The following IGSF10 variants were observed in gnomAD, a reference collection of about 807,000 sequenced individuals.
The protein encoded by IGSF10 is immunoglobulin superfamily member 10.
In IGSF10, 126 loss-of-function variants were observed where a neutral mutation model predicts 128.2. The ratio of observed to expected loss-of-function variants is 0.98; its 90% CI spans 0.85 to 1.14. The LOEUF (loss-of-function observed/expected upper bound fraction) is 1.14. Among genes scored for constraint, IGSF10 ranks in the 50% most tolerant of loss-of-function variants. The pLI is 0.00. For synonymous variants in IGSF10, 1,185 were observed against 1,146.2 expected, an observed-to-expected ratio of 1.03 and a Z score of -0.68; for missense variants, 3,295 against 3,149.8, an observed-to-expected ratio of 1.05 and a Z score of -1.10.
the IGSF10 span, among the ~76,000 whole-genome samples, chr3:151,570,425 T>C: frequency 6.6e-6 from 1 of 152,260 alleles, no homozygotes; most frequent in Admixed American, 6.5e-5. Flanking sequence ...ATGATCGCCA[T>C]TCTAACCGGT....
At chr3:151,453,990 G>A (rs1577675591) in intron 4 of IGSF10, among the ~76,000 whole-genome samples, 1 of 149,942 alleles carries the variant, frequency 6.7e-6, no homozygotes, top group Non-Finnish European at 1.5e-5. Flanking sequence ...ATTAAGGAAT[G>A]AGATATATAT....
Position 151,443,914 on chromosome 3 carries a change from C to T in IGSF10, c.5063-30G>A, listed in dbSNP as rs762350272. ...GAAGAAAAAAAGAAAATTATTGCTA[C>T]GGGTCATCAAAGTTTATTTAGAAAA... On this transcript the variant is annotated intron_variant, in intron 6 of 7. Coordinates refer to ENST00000282466, the MANE Select transcript of IGSF10 (RefSeq NM_178822.5). 6 of 1,508,424 alleles carry T rather than the reference C, an allele frequency of 4.0e-6. No individual in the cohort carries two copies. In the Admixed American group the frequency reaches 6.2e-5, roughly 16 times the overall value. 93.4% of individuals were successfully genotyped at this position (1,508,424 alleles called of 1,614,324 possible).
chr3:151,448,662 C>G lies in IGSF10; in HGVS notation c.1319G>C (p.Arg440Thr). ...MQDQISLQLN[R>T]TATTFSTLQI... ...TAATGTACTGAATGTGGTGGCAGTT[C>G]TGTTCAGCTGCAAGGAAATTTGGTC... The change falls in exon 6 of 8, where the codon AGA (arginine) becomes ACA (threonine). Residue 440 changes from arginine to threonine, a missense_variant. Arg to Thr is a moderately conservative substitution (Grantham distance 71). Coordinates refer to ENST00000282466, the MANE Select transcript of IGSF10 (RefSeq NM_178822.5). The G allele has an allele frequency of 6.2e-7, 1 of 1,614,080 alleles. No homozygotes were observed. Among genetic ancestry groups the G allele is most frequent in the Non-Finnish European group, 8.5e-7 (1 of 1,179,998 alleles).
At chr3:151,500,672 A>C in the IGSF10 span, among the ~76,000 whole-genome samples, 12 of 152,150 alleles carry the variant, frequency 7.9e-5, no homozygotes, top group African/African-American at 2.9e-4. Context: ...AAAAGCAATA[A>C]GTGACTCCTA....
chr3:151,475,488 A>G, the IGSF10 span, among the ~76,000 whole-genome samples: 1 of 152,234 alleles, frequency 6.6e-6, no homozygotes, highest in African/African-American at 2.4e-5. Context: ...TGAAAACCTA[A>G]CTTAGGAGTA....
At chr3:151,532,404 T>A in the IGSF10 span, among the ~76,000 whole-genome samples, 1 of 152,160 alleles carries the variant, frequency 6.6e-6, no homozygotes, top group African/African-American at 2.4e-5. Flanking sequence ...GTATCCCTGA[T>A]GAAGATTGAT....
At chr3:151,471,000 A>T in the IGSF10 span, among the ~76,000 whole-genome samples, 1 of 152,164 alleles carries the variant, frequency 6.6e-6, no homozygotes, top group African/African-American at 2.4e-5. Flanking sequence ...CAATTGTGTA[A>T]GTGTAATGAT....
the IGSF10 span, among the ~76,000 whole-genome samples, chr3:151,604,997 C>T: frequency 6.6e-6 from 1 of 152,160 alleles, no homozygotes; most frequent in South Asian, 2.1e-4. Flanking sequence ...AGTGTGGCAA[C>T]TCATGCCTAA....
intron 4 of IGSF10, among the ~76,000 whole-genome samples, chr3:151,454,007 TTTTTTC>T (rs1355122729): frequency 3.7e-5 from 5 of 136,428 alleles, no homozygotes; most frequent in Non-Finnish European, 7.6e-5. Context: ...ATATATTTCT[TTTTTTC>T]TTTTTCTTTT....
rs2108564047 is a variant in IGSF10 at position 151,451,895 on chromosome 3, T to C, written c.715+1489A>G. 1.3e-5 allele frequency among the ~76,000 whole-genome samples: 2 copies of C among 152,358 alleles called. 1 individual carries two copies. The highest frequency in any genetic ancestry group is 6.8e-3 in the Middle Eastern group (2 of 294). On this transcript the variant is annotated intron_variant, in intron 5 of 7. Coordinates refer to ENST00000282466, the MANE Select transcript of IGSF10 (RefSeq NM_178822.5). ...GAGAAACAGCCACAAATTCATTTTATAGAAATGCTGCATCAACATCTTTGC... is the reference window on the plus strand; with the variant it reads ...GAGAAACAGCCACAAATTCATTTTACAGAAATGCTGCATCAACATCTTTGC...
At chr3:151,533,229 T>C in the IGSF10 span, among the ~76,000 whole-genome samples, 2 of 151,964 alleles carry the variant, frequency 1.3e-5, no homozygotes, top group African/African-American at 4.8e-5. Context: ...AAAATGGCCA[T>C]ACAGGCCAAA....
chr3:151,478,262 T>TAC, the IGSF10 span, among the ~76,000 whole-genome samples: 3 of 152,334 alleles, frequency 2.0e-5, no homozygotes, highest in South Asian at 6.2e-4. Context: ...AGCTGAACAT[T>TAC]ACCATGGTGT....
At chr3:151,476,430 A>G in the IGSF10 span, among the ~76,000 whole-genome samples, 24 of 152,208 alleles carry the variant, frequency 1.6e-4, 1 homozygote, top group East Asian at 4.7e-3. Context: ...CAAAAGTTTT[A>G]TAGTCTCCTA....
At chr3:151,439,642 T>TACCAAC (rs1198033327) in intron 7 of IGSF10, among the ~76,000 whole-genome samples, 1 of 152,192 alleles carries the variant, frequency 6.6e-6, no homozygotes, top group African/African-American at 2.4e-5. Flanking sequence ...TTTGTTAGAA[T>TACCAAC]ACCAACGCAA....
intron 7 of IGSF10, among the ~76,000 whole-genome samples, chr3:151,440,196 A>AT (rs1240286817): frequency 5.3e-5 from 8 of 151,826 alleles, no homozygotes; most frequent in Non-Finnish European, 1.2e-4. Flanking sequence ...TGCCCTCCTA[A>AT]TTTTTTTATT....
chr3:151,568,719 C>T, the IGSF10 span, among the ~76,000 whole-genome samples: 2 of 152,146 alleles, frequency 1.3e-5, no homozygotes, highest in East Asian at 1.9e-4. Flanking sequence ...AAAGTGTATC[C>T]TAGCAATTTT....
At chr3:151,537,085 T>C in the IGSF10 span, among the ~76,000 whole-genome samples, 1 of 152,188 alleles carries the variant, frequency 6.6e-6, no homozygotes, top group Non-Finnish European at 1.5e-5. Flanking sequence ...AAGGATTTAA[T>C]ATGGGGGGAC....
At chr3:151,462,136 C>T (rs924910495), upstream of IGSF10, among the ~76,000 whole-genome samples, 2 of 152,096 alleles carry the variant, frequency 1.3e-5, no homozygotes, top group African/African-American at 4.8e-5. Context: ...GGTGGGGCTC[C>T]CAATACTCAT....
At chr3:151,581,385 G>GT in the IGSF10 span, among the ~76,000 whole-genome samples, 28 of 151,680 alleles carry the variant, frequency 1.8e-4, no homozygotes, top group East Asian at 4.5e-3. Context: ...ACAAATTATA[G>GT]TTTTTTTTTA....
Sources: gnomAD v4.1 joint callset for allele counts (sites outside exome capture counted in the v4.1 genomes callset) on GRCh38, gnomAD v4.1.1 for gene constraint, MANE v1.5 for transcripts, NCBI Gene and HGNC (gene_info 2026-07-23, HGNC 2026-07-21) for gene names.